The following SGCZ variants were observed in gnomAD, a reference collection of about 807,000 sequenced individuals.
SGCZ encodes sarcoglycan zeta.
A neutral mutation model predicts 41.3 loss-of-function variants in SGCZ; 40 were observed. The ratio of observed to expected loss-of-function variants is 0.97; its 90% CI spans 0.75 to 1.26. The LOEUF is 1.26. Ranked by LOEUF, SGCZ falls within the 50% of genes most tolerant of loss-of-function variation. The pLI, the probability that SGCZ is intolerant of heterozygous loss-of-function variation, is 0.00. For synonymous variants in SGCZ, 206 were observed against 137.5 expected, an observed-to-expected ratio of 1.50 and a Z score of -3.49; for missense variants, 552 against 369.8, an observed-to-expected ratio of 1.49 and a Z score of -4.04.
rs182100540 is a variant in SGCZ at position 14,397,916 on chromosome 8, C to A, written c.235-73712G>T. ...AGACAACCTTGCCCTGCATTTCACT[C>A]CCCTGAGCCCTGCTCTCTGATTACA... On this transcript the variant is annotated intron_variant, in intron 2 of 7. Coordinates refer to ENST00000382080, the MANE Select transcript of SGCZ (RefSeq NM_139167.4). Among the ~76,000 whole-genome samples the A allele has an allele frequency of 1.1e-4, 16 of 152,246 alleles. 1 individual carries two copies. In the East Asian group the frequency reaches 3.1e-3, roughly 29 times the overall value.
intron 2 of SGCZ, among the ~76,000 whole-genome samples, chr8:14,408,978 TGC>T (rs1232946351): frequency 8.5e-6 from 1 of 117,330 alleles, no homozygotes; most frequent in African/African-American, 4.3e-5. Flanking sequence ...TGTGCATGTG[TGC>T]GTGTGTGTGT....
At chr8:14,780,374 C>CAAAAAA (rs533888354) in intron 1 of SGCZ, among the ~76,000 whole-genome samples, 2 of 79,022 alleles carry the variant, frequency 2.5e-5, no homozygotes, top group South Asian at 4.5e-4. Flanking sequence ...GACTCCATCT[C>CAAAAAA]AAAAAAAAAA....
At chr8:14,915,855 G>A (rs1264164026) in intron 1 of SGCZ, among the ~76,000 whole-genome samples, 1 of 152,088 alleles carries the variant, frequency 6.6e-6, no homozygotes, top group East Asian at 1.9e-4. Flanking sequence ...ACATGTGTCT[G>A]CGTCCTGAAT....
intron 2 of SGCZ, among the ~76,000 whole-genome samples, chr8:14,548,072 G>A (rs1452977020): frequency 1.3e-5 from 2 of 152,084 alleles, no homozygotes; most frequent in African/African-American, 2.4e-5. Context: ...TATATGTCAG[G>A]TACTTCTGGA....
intron 1 of SGCZ, among the ~76,000 whole-genome samples, chr8:14,997,689 G>C (rs933264703): frequency 2.6e-5 from 4 of 152,220 alleles, no homozygotes; most frequent in African/African-American, 4.8e-5. Context: ...GCAGGGTGCA[G>C]TGGCTCACAC....
At chr8:14,388,965 A>C (rs2117211842) in intron 2 of SGCZ, among the ~76,000 whole-genome samples, 1 of 152,208 alleles carries the variant, frequency 6.6e-6, no homozygotes, top group East Asian at 1.9e-4. Flanking sequence ...TACAATAAAT[A>C]TCTTTTAAAA....
rs79887442 is a variant in SGCZ, at chr8:15,165,638, A to G, written c.39+71947T>C. Among the ~76,000 whole-genome samples the G allele has an allele frequency of 5.9e-3, 904 of 152,336 alleles. 10 individuals are homozygous for G. Among genetic ancestry groups the G allele is most frequent in the African/African-American group, 0.02 (841 of 41,586 alleles). ...GTTCAAAATTGCTAGGAGTTAATTGAAACTACTAGAAATATATTTACACGC... is the reference window on the plus strand; with the variant it reads ...GTTCAAAATTGCTAGGAGTTAATTGGAACTACTAGAAATATATTTACACGC... On this transcript the variant is annotated intron_variant, in intron 1 of 7. Coordinates refer to ENST00000382080, the MANE Select transcript of SGCZ (RefSeq NM_139167.4).
chr8:14,374,111 C>T (rs141655214), intron 2 of SGCZ, among the ~76,000 whole-genome samples: 20 of 152,312 alleles, frequency 1.3e-4, no homozygotes, highest in African/African-American at 4.3e-4. Context: ...GGTGCAATGG[C>T]TCACACCTAT....
At chr8:14,815,046 T>G (rs1801861113) in intron 1 of SGCZ, among the ~76,000 whole-genome samples, 1 of 152,210 alleles carries the variant, frequency 6.6e-6, no homozygotes. Flanking sequence ...GATTCTCTGA[T>G]ATGTGGTAAT....
At position 14,981,612 on chromosome 8, in the gene SGCZ, A is replaced by T. The variant is rs574722413; in HGVS notation, c.39+255973T>A. Among the ~76,000 whole-genome samples the T allele has an allele frequency of 9.9e-5, 15 of 152,270 alleles. No individual in the cohort carries two copies. In the South Asian group the frequency reaches 1.2e-3, roughly 13 times the overall value. Reference sequence around the variant, plus strand: ...TTCTCTTCTATCCCAACTTAAATCCAAGTGGCTTTTTGTTCATGTGGTCCA... The same window carrying T: ...TTCTCTTCTATCCCAACTTAAATCCTAGTGGCTTTTTGTTCATGTGGTCCA... On this transcript the variant is annotated intron_variant, in intron 1 of 7. Transcript: ENST00000382080.
chr8:14,675,648 A>G (rs529853188), intron 1 of SGCZ, among the ~76,000 whole-genome samples: 3 of 152,268 alleles, frequency 2.0e-5, no homozygotes, highest in Non-Finnish European at 4.4e-5. Flanking sequence ...AAATGTGATG[A>G]GCAAAAACAA....
chr8:14,772,426 C>CT (rs201670346), intron 1 of SGCZ, among the ~76,000 whole-genome samples: 10,141 of 148,314 alleles, frequency 0.068, 732 homozygotes, highest in African/African-American at 0.18. Context: ...CTTAGTATTT[C>CT]TTTTTTTTTT....
intron 1 of SGCZ, among the ~76,000 whole-genome samples, chr8:14,901,785 A>C (rs563082179): frequency 6.6e-6 from 1 of 152,288 alleles, no homozygotes; most frequent in African/African-American, 2.4e-5. Flanking sequence ...ATACCAAGAA[A>C]ATATCTATTT....
intron 3 of SGCZ, among the ~76,000 whole-genome samples, chr8:14,290,607 C>CA (rs1472045186): frequency 1.3e-5 from 2 of 151,890 alleles, no homozygotes; most frequent in African/African-American, 4.8e-5. Context: ...CTCATCATTA[C>CA]AAAAATGCAA....
At chr8:14,172,575 T>C (rs1347634041) in intron 4 of SGCZ, among the ~76,000 whole-genome samples, 1 of 152,196 alleles carries the variant, frequency 6.6e-6, no homozygotes, top group Admixed American at 6.5e-5. Context: ...GGCAAAATGT[T>C]TGTTGTAATT....
intron 3 of SGCZ, among the ~76,000 whole-genome samples, chr8:14,295,255 T>C (rs1184711198): frequency 6.6e-6 from 1 of 152,138 alleles, no homozygotes; most frequent in African/African-American, 2.4e-5. Flanking sequence ...TATTCACCCA[T>C]GAAAGGGAAC....
intron 1 of SGCZ, among the ~76,000 whole-genome samples, chr8:15,027,449 T>C (rs972417029): frequency 6.6e-6 from 1 of 152,114 alleles, no homozygotes; most frequent in Non-Finnish European, 1.5e-5. Context: ...GACACTACTA[T>C]GAGAAGATTC....
intron 3 of SGCZ, among the ~76,000 whole-genome samples, chr8:14,320,601 T>TTC: frequency 6.6e-6 from 1 of 152,034 alleles, no homozygotes; most frequent in Non-Finnish European, 1.5e-5. Context: ...AACCAAGAAC[T>TTC]GGGTTAACAT....
At chr8:14,238,750 G>A (rs1304288405) in intron 3 of SGCZ, among the ~76,000 whole-genome samples, 2 of 151,858 alleles carry the variant, frequency 1.3e-5, no homozygotes, top group African/African-American at 4.8e-5. Flanking sequence ...ATGTTCTGGG[G>A]GGGGACATTT....
Sources: allele counts gnomAD v4.1 joint callset (sites outside exome capture counted in the v4.1 genomes callset), GRCh38; gene constraint gnomAD v4.1.1; transcripts MANE v1.5; gene names NCBI Gene and HGNC (gene_info 2026-07-23, HGNC 2026-07-21).